Variants in ERBB4 observed in about 807,000 individuals in gnomAD.
ERBB4 encodes receptor tyrosine-protein kinase erbB-4.
A neutral mutation model predicts 158.0 loss-of-function variants in ERBB4; 42 were observed. The ratio of observed to expected loss-of-function variants is 0.27; its 90% CI spans 0.21 to 0.34. The LOEUF is 0.34. ERBB4 is among the 10% of genes least tolerant of loss of function. The pLI is 1.00. For synonymous variants in ERBB4, 583 were observed against 558.7 expected, an observed-to-expected ratio of 1.04 and a Z score of -0.61; for missense variants, 1,333 against 1,624.1, an observed-to-expected ratio of 0.82 and a Z score of 3.08.
intron 6 of ERBB4, among the ~76,000 whole-genome samples, chr2:211,723,351 G>A (rs1335406603): frequency 6.6e-6 from 1 of 152,118 alleles, no homozygotes; most frequent in South Asian, 2.1e-4. Context: ...TAACAAAAAT[G>A]TGGATGAGCT....
chr2:212,299,922 T>C (rs2086557278), intron 1 of ERBB4, among the ~76,000 whole-genome samples: 1 of 151,586 alleles, frequency 6.6e-6, no homozygotes, highest in Non-Finnish European at 1.5e-5. Flanking sequence ...CTACATTAAA[T>C]CAGTTGGAGA....
At chr2:212,374,093 T>TATATATCCATATATATCC (rs1560148463) in intron 1 of ERBB4, among the ~76,000 whole-genome samples, 1 of 100,400 alleles carries the variant, frequency 1.0e-5, no homozygotes, top group African/African-American at 3.1e-5. Flanking sequence ...TATATATCCA[T>TATATATCCATATATATCC]ATATATATAT....
In ERBB4 at chr2:211,990,523, AAAAT is replaced by A. The variant is rs199775547; in HGVS notation, c.235-42911_235-42908del. On this transcript the variant is annotated intron_variant, in intron 2 of 27. Transcript: ENST00000342788. The stretch of plus-strand genomic sequence containing the variant: ...GAAGGAAATAACCAAAATAAAAATA[AAAAT>A]AAATAAATAAATAAATAAATAAATA... 5.7e-3 allele frequency among the ~76,000 whole-genome samples: 762 copies of A among 134,438 alleles called. 3 individuals carry two copies. Among genetic ancestry groups the A allele is most frequent in the African/African-American group, 0.013 (523 of 39,004 alleles). 88.2% of individuals were successfully genotyped at this position (134,438 alleles called of 152,430 possible).
rs34492305 is a variant in ERBB4, at chr2:211,675,792, TTA to T, written c.1623-2537_1623-2536del. 3.2e-5 allele frequency among the ~76,000 whole-genome samples: 3 copies of T among 93,570 alleles called. 1 individual carries two copies. Among genetic ancestry groups the T allele is most frequent in the African/African-American group, 9.4e-5 (3 of 31,888 alleles). 61.4% of individuals were successfully genotyped at this position (93,570 alleles called of 152,430 possible). A position where few individuals can be genotyped will look rare whatever the true frequency, so the allele number is the denominator to read the frequency against. On this transcript the variant is annotated intron_variant, in intron 13 of 27. Coordinates refer to ENST00000342788, the MANE Select transcript of ERBB4 (RefSeq NM_005235.3). Reference sequence around the variant, plus strand: ...TATAATATATATATAAAATATAATATTATATATATATATATATAACAAATAGG... The same window carrying T: ...TATAATATATATATAAAATATAATATTATATATATATATATAACAAATAGG...
At chr2:212,483,483 T>C (rs1156959602) in intron 1 of ERBB4, among the ~76,000 whole-genome samples, 2 of 152,228 alleles carry the variant, frequency 1.3e-5, no homozygotes, top group African/African-American at 2.4e-5. Context: ...GGACGCTTTC[T>C]AAATTTCTTA....
At chr2:211,568,224 A>T (rs2067610806) in intron 19 of ERBB4, among the ~76,000 whole-genome samples, 1 of 152,046 alleles carries the variant, frequency 6.6e-6, no homozygotes, top group Non-Finnish European at 1.5e-5. Context: ...AAAAATTCTA[A>T]AACAAAAATA....
At chr2:212,019,959 T>C (rs1488062109) in intron 2 of ERBB4, among the ~76,000 whole-genome samples, 2 of 151,996 alleles carry the variant, frequency 1.3e-5, no homozygotes, top group Non-Finnish European at 2.9e-5. Context: ...GCTTACATAA[T>C]TTAAAAGGTA....
intron 1 of ERBB4, among the ~76,000 whole-genome samples, chr2:212,151,120 C>T (rs1480802668): frequency 6.6e-6 from 1 of 151,768 alleles, no homozygotes; most frequent in African/African-American, 2.4e-5. Context: ...TTCTAATTTG[C>T]TTAAATAAAT....
chr2:211,418,603 A>G (rs2063445118), intron 25 of ERBB4, among the ~76,000 whole-genome samples: 4 of 152,182 alleles, frequency 2.6e-5, no homozygotes, highest in Admixed American at 2.6e-4. Context: ...TATAAATTAA[A>G]ATGAACAAAA....
chr2:212,015,240 T>A (rs1331996401), intron 2 of ERBB4, among the ~76,000 whole-genome samples: 1 of 149,738 alleles, frequency 6.7e-6, no homozygotes, highest in East Asian at 1.9e-4. Flanking sequence ...CACTCCAGCC[T>A]GGGCAACAGA....
intron 1 of ERBB4, among the ~76,000 whole-genome samples, chr2:212,492,402 T>A (rs2371579): frequency 0.046 from 6,994 of 151,398 alleles, 537 homozygotes; most frequent in African/African-American, 0.16. Context: ...AAAATAAATT[T>A]AAAAAATAAT....
chr2:211,511,498 T>A (rs1289065662), intron 20 of ERBB4, among the ~76,000 whole-genome samples: 1 of 152,034 alleles, frequency 6.6e-6, no homozygotes, highest in African/African-American at 2.4e-5. Flanking sequence ...AATGGAAAAT[T>A]TCTGTGATGT....
intron 25 of ERBB4, among the ~76,000 whole-genome samples, chr2:211,399,174 A>T (rs1412523609): frequency 6.6e-6 from 1 of 152,212 alleles, no homozygotes; most frequent in South Asian, 2.1e-4. Context: ...AGAACCCATT[A>T]TATGCCCCAT....
chr2:212,046,710 G>A (rs932053126), intron 2 of ERBB4, among the ~76,000 whole-genome samples: 11 of 152,078 alleles, frequency 7.2e-5, no homozygotes, highest in African/African-American at 1.9e-4. Context: ...GGAGATTTGG[G>A]GGCCGTGGCA....
chr2:212,139,038 C>T (rs1487987445), intron 1 of ERBB4, among the ~76,000 whole-genome samples: 2 of 152,050 alleles, frequency 1.3e-5, no homozygotes, highest in African/African-American at 4.8e-5. Flanking sequence ...GGAGTGTTTT[C>T]CCATAAAGTT....
At chr2:211,673,138 C>CA (rs1559403257) in intron 14 of ERBB4, 26 bp downstream of exon 14, 1 of 1,506,974 alleles carries the variant, frequency 6.6e-7, no homozygotes, top group Non-Finnish European at 9.2e-7. Context: ...AATAAGCCAA[C>CA]ACACCACAGA....
chr2:211,786,417 GTAGT>G (rs2076166274), intron 4 of ERBB4, among the ~76,000 whole-genome samples: 2 of 152,042 alleles, frequency 1.3e-5, no homozygotes, highest in Non-Finnish European at 1.5e-5. Flanking sequence ...CAATCAATTG[GTAGT>G]TAATTTGTAA....
At chr2:212,521,868 A>G (rs1692189380) in intron 1 of ERBB4, among the ~76,000 whole-genome samples, 1 of 151,938 alleles carries the variant, frequency 6.6e-6, no homozygotes, top group African/African-American at 2.4e-5. Context: ...AGTTACTGCA[A>G]TGGTTACTCT....
intron 20 of ERBB4, among the ~76,000 whole-genome samples, chr2:211,454,223 T>C (rs1279931153): frequency 1.3e-5 from 2 of 152,186 alleles, no homozygotes; most frequent in Non-Finnish European, 2.9e-5. Context: ...AATTATGTAT[T>C]GACTAAATAT....
Sources: gnomAD v4.1 joint callset for allele counts (sites outside exome capture counted in the v4.1 genomes callset) on GRCh38, gnomAD v4.1.1 for gene constraint, MANE v1.5 for transcripts, NCBI Gene and HGNC (gene_info 2026-07-23, HGNC 2026-07-21) for gene names.